ATXN10: variants seen among roughly 807,000 people sequenced by gnomAD.
ATXN10 encodes ataxin-10.
A neutral mutation model predicts 52.9 loss-of-function variants in ATXN10; 28 were observed. The ratio of observed to expected loss-of-function variants is 0.53; its 90% CI spans 0.39 to 0.73. The LOEUF is 0.73. Among genes scored for constraint, ATXN10 ranks in the 30% least tolerant of loss-of-function variants. The probability of loss-of-function intolerance (pLI) is 0.00; values close to 1 mark genes in which losing one functional copy is unlikely to be tolerated. For missense variants in ATXN10, 565 were observed against 577.0 expected (o/e 0.98, Z 0.21); for synonymous variants, 226 against 221.5 (o/e 1.02, Z -0.18).
At chr22:45,808,421 CAGAAAA>C (rs1928173765) in intron 10 of ATXN10, among the ~76,000 whole-genome samples, 2 of 152,124 alleles carry the variant, frequency 1.3e-5, no homozygotes, top group Non-Finnish European at 2.9e-5. Flanking sequence ...TAGCAAAGAC[CAGAAAA>C]TAAAAAGACT....
chr22:45,825,703 G>T lies in ATXN10; in HGVS notation c.1238-17288G>T, dbSNP rs1390191979. ...ATGAAACAAACAGAAACCATTCTTG[G>T]ATTCATCTACTATATTTTAAAACAA... On this transcript the variant is annotated intron_variant, in intron 10 of 11. Transcript: ENST00000252934. The surrounding 1 kb of genome is among the most constrained non-coding windows in gnomAD (Gnocchi z 4.5). Among the ~76,000 whole-genome samples, 1 of 152,146 alleles carries T rather than the reference G, an allele frequency of 6.6e-6. No individual in the cohort carries two copies. The highest frequency in any genetic ancestry group is 1.5e-5 in the Non-Finnish European group (1 of 68,024).
intron 9 of ATXN10, among the ~76,000 whole-genome samples, chr22:45,753,597 C>T (rs1601625348): frequency 2.0e-5 from 3 of 151,266 alleles, no homozygotes; most frequent in East Asian, 2.0e-4. Flanking sequence ...AGTAGAGATG[C>T]GGTTTCACTA....
chr22:45,798,438 A>T (rs929128082), intron 9 of ATXN10, among the ~76,000 whole-genome samples: 15 of 152,240 alleles, frequency 9.9e-5, no homozygotes, highest in African/African-American at 3.4e-4. Flanking sequence ...CAATATGATT[A>T]TCTCAATAGA....
At position 45,842,127 on chromosome 22, in the gene ATXN10, G is replaced by T. The variant is rs1446498610; in HGVS notation, c.1238-864G>T. ...CCCAGTAGGGACACAGCCTCTCTTG[G>T]CAGTCTCTTACATATGTCCCTGGAT... On this transcript the variant is annotated intron_variant, in intron 10 of 11. Transcript: ENST00000252934. This position sits in a 1 kb window ranked among gnomAD's most constrained non-coding sequence, Gnocchi z 4.8. Among the ~76,000 whole-genome samples, 10 of 152,134 alleles carry T rather than the reference G, an allele frequency of 6.6e-5. No individual in the cohort carries two copies. Among genetic ancestry groups the T allele is most frequent in the Admixed American group, 6.5e-4 (10 of 15,282 alleles).
intron 3 of ATXN10, among the ~76,000 whole-genome samples, chr22:45,699,337 A>G (rs2146750491): frequency 6.6e-6 from 1 of 152,064 alleles, no homozygotes; most frequent in South Asian, 2.1e-4. Flanking sequence ...TCTGATCCTG[A>G]GCATTAATCT....
Position 45,843,647 on chromosome 22 carries a change from T to C in ATXN10, c.1426-22T>C. 1 of 1,611,304 alleles carries C rather than the reference T, an allele frequency of 6.2e-7. No individual in the cohort carries two copies. Among genetic ancestry groups the C allele is most frequent in the Non-Finnish European group, 8.5e-7 (1 of 1,178,086 alleles). On this transcript the variant is annotated intron_variant, in intron 11 of 11. Transcript: ENST00000252934. This position sits in a 1 kb window ranked among gnomAD's most constrained non-coding sequence, Gnocchi z 4.5. ...GAACAGATTTGCTACATCTGCAATT[T>C]TGTTTCTTTCTTCTTCTTTAGTGAA...
chr22:45,687,441 C>T (rs998747216), intron 1 of ATXN10, among the ~76,000 whole-genome samples: 4 of 152,082 alleles, frequency 2.6e-5, no homozygotes, highest in Admixed American at 6.6e-5. Context: ...AAGAGGCAGA[C>T]GGCAAAGGAT....
chr22:45,839,030 C>G (rs1374653942), intron 10 of ATXN10, among the ~76,000 whole-genome samples: 4 of 152,182 alleles, frequency 2.6e-5, no homozygotes, highest in African/African-American at 4.8e-5. Context: ...CATAAGGGTT[C>G]TACCTTCGTG....
intron 1 of ATXN10, chr22:45,676,208 G>C (rs1468686528): frequency 6.6e-6 from 1 of 151,782 alleles, no homozygotes. Flanking sequence ...GCCCAGGCTG[G>C]TCTCGAACTC....
intron 1 of ATXN10, among the ~76,000 whole-genome samples, chr22:45,685,459 G>A (rs1270203066): frequency 6.6e-6 from 1 of 152,164 alleles, no homozygotes; most frequent in East Asian, 1.9e-4. Context: ...TAAAGTCGCT[G>A]TACATTTTTT....
At chr22:45,734,449 G>A in intron 7 of ATXN10, 1 of 231,930 alleles carries the variant, frequency 4.3e-6, no homozygotes, top group Non-Finnish European at 9.4e-6. Context: ...ATTTATTTCT[G>A]ATGTTCTGTT....
Position 45,843,647 on chromosome 22 carries a change from T to A in ATXN10, c.1426-22T>A. The A allele has an allele frequency of 1.2e-6, 2 of 1,611,304 alleles. No homozygotes were observed. The highest frequency in any genetic ancestry group is 1.7e-6 in the Non-Finnish European group (2 of 1,178,086). Reference sequence around the variant, plus strand: ...GAACAGATTTGCTACATCTGCAATTTTGTTTCTTTCTTCTTCTTTAGTGAA... The same window carrying A: ...GAACAGATTTGCTACATCTGCAATTATGTTTCTTTCTTCTTCTTTAGTGAA... On this transcript the variant is annotated intron_variant, in intron 11 of 11. Coordinates refer to ENST00000252934, the MANE Select transcript of ATXN10 (RefSeq NM_013236.4). The surrounding 1 kb of genome is among the most constrained non-coding windows in gnomAD (Gnocchi z 4.5).
At position 45,820,942 on chromosome 22, in the gene ATXN10, C is replaced by T. The variant is rs1027745889; in HGVS notation, c.1237+13920C>T. On this transcript the variant is annotated intron_variant, in intron 10 of 11. Transcript: ENST00000252934. This position sits in a 1 kb window ranked among gnomAD's most constrained non-coding sequence, Gnocchi z 4.9. ...ATGGTTCGAGTTTCTATGAGAAGGA[C>T]CCAGCCTTGCCTTTAAGATTTTTCA... Among the ~76,000 whole-genome samples the T allele has an allele frequency of 1.4e-4, 22 of 152,116 alleles. No homozygotes were observed. Among genetic ancestry groups the T allele is most frequent in the African/African-American group, 5.1e-4 (21 of 41,412 alleles).
chr22:45,823,008 C>T lies in ATXN10; in HGVS notation c.1237+15986C>T. 1 of 278,542 alleles carries T rather than the reference C, an allele frequency of 3.6e-6. No homozygotes were observed. Among genetic ancestry groups the T allele is most frequent in the Non-Finnish European group, 7.4e-6 (1 of 134,660 alleles). 17.3% of individuals were successfully genotyped at this position (278,542 alleles called of 1,614,324 possible). ...TTGTATGTGTTGAAATAGTCTTTCC[C>T]ATCCATCTTTGTTCTTACTTTCCTC... is the stretch of plus-strand genomic sequence containing the variant. On this transcript the variant is annotated intron_variant, in intron 10 of 11. Transcript: ENST00000252934. The surrounding 1 kb of genome is among the most constrained non-coding windows in gnomAD (Gnocchi z 4.9).
In ATXN10 at chr22:45,766,069, C is replaced by G. The variant is rs149599716; in HGVS notation, c.1173+25531C>G. On this transcript the variant is annotated intron_variant, in intron 9 of 11. Transcript: ENST00000252934. The surrounding 1 kb of genome is among the most constrained non-coding windows in gnomAD (Gnocchi z 4.6). ...CAGTAGAAAAATGCAGAAATAGATTCAAATGTTTTTGGAAATGTAGTGTAT... is the reference window on the plus strand; with the variant it reads ...CAGTAGAAAAATGCAGAAATAGATTGAAATGTTTTTGGAAATGTAGTGTAT... Among the ~76,000 whole-genome samples the G allele has an allele frequency of 6.6e-6, 1 of 152,244 alleles. No individual in the cohort carries two copies. The highest frequency in any genetic ancestry group is 2.4e-5 in the African/African-American group (1 of 41,556).
At chr22:45,674,818 A>G (rs1299732676) in intron 1 of ATXN10, 1 of 152,172 alleles carries the variant, frequency 6.6e-6, no homozygotes, top group Non-Finnish European at 1.5e-5. Context: ...TCCATTTTAT[A>G]TTTGAAGAAT....
intron 10 of ATXN10, 81 bp downstream of exon 10, chr22:45,807,103 C>G: frequency 9.0e-7 from 1 of 1,112,558 alleles, no homozygotes. Flanking sequence ...CATGTTCATT[C>G]AGTATGTAGC....
At position 45,780,942 on chromosome 22, in the gene ATXN10, C is replaced by T. The variant is rs546701895; in HGVS notation, c.1174-26017C>T. Among the ~76,000 whole-genome samples, 13 of 152,196 alleles carry T rather than the reference C, an allele frequency of 8.5e-5. No individual in the cohort carries two copies. Among genetic ancestry groups the T allele is most frequent in the African/African-American group, 2.9e-4 (12 of 41,528 alleles). ...AGCAAGGGGCCTTGAGACTCAGAAA[C>T]GATAAGGTGGCAAGTTCCCTGGGTT... On this transcript the variant is annotated intron_variant, in intron 9 of 11. Coordinates refer to ENST00000252934, the MANE Select transcript of ATXN10 (RefSeq NM_013236.4). The surrounding 1 kb of genome is among the most constrained non-coding windows in gnomAD (Gnocchi z 4.0).
In ATXN10 at chr22:45,688,797, A is replaced by G. The variant is rs1923250952; in HGVS notation, c.117-915A>G. ...GGTCTGAATCATTTGGCATTTATAG[A>G]ATCTCTTAAATTGTCCAATGTGGCA... On this transcript the variant is annotated intron_variant, in intron 1 of 11. Transcript: ENST00000252934. This position sits in a 1 kb window ranked among gnomAD's most constrained non-coding sequence, Gnocchi z 4.0. Among the ~76,000 whole-genome samples the G allele has an allele frequency of 1.3e-5, 2 of 152,200 alleles. No individual in the cohort carries two copies. The highest frequency in any genetic ancestry group is 4.1e-4 in the South Asian group (2 of 4,834).
Sources: allele counts gnomAD v4.1 joint callset (sites outside exome capture counted in the v4.1 genomes callset), GRCh38; gene constraint gnomAD v4.1.1; non-coding constraint Gnocchi (gnomAD v3.1); transcripts MANE v1.5; gene names NCBI Gene and HGNC (gene_info 2026-07-23, HGNC 2026-07-21).